PCDHGB3: variants seen among roughly 807,000 people sequenced by gnomAD.
The protein encoded by PCDHGB3 is protocadherin gamma subfamily B, 3.
In PCDHGB3, 40 loss-of-function variants were observed where a neutral mutation model predicts 59.2. That is an observed-to-expected ratio of 0.68 (90% CI 0.52 to 0.88). The LOEUF (loss-of-function observed/expected upper bound fraction) is 0.88. PCDHGB3 is among the 40% of genes least tolerant of loss of function. The pLI, the probability that PCDHGB3 is intolerant of heterozygous loss-of-function variation, is 0.00. For synonymous variants in PCDHGB3, 581 were observed against 503.6 expected, an observed-to-expected ratio of 1.15 and a Z score of -2.06; for missense variants, 1,309 against 1,187.9, an observed-to-expected ratio of 1.10 and a Z score of -1.50.
At position 141,486,094 on chromosome 5, in the gene PCDHGB3, C is replaced by G. The variant is rs749887136; in HGVS notation, c.2416-8713C>G. 2 of 1,614,112 alleles carry G rather than the reference C, an allele frequency of 1.2e-6. No homozygotes were observed. Among genetic ancestry groups the G allele is most frequent in the Admixed American group, 3.3e-5 (2 of 60,018 alleles). ...CTGGAAAGCTTACTCTTTTGGGGCCCCTAGACTTTGAGAGTGAGAATTACT... is the reference window on the plus strand; with the variant it reads ...CTGGAAAGCTTACTCTTTTGGGGCCGCTAGACTTTGAGAGTGAGAATTACT... On this transcript the variant is annotated intron_variant, in intron 1 of 3. Coordinates refer to ENST00000576222, the MANE Select transcript of PCDHGB3 (RefSeq NM_018924.5). The surrounding 1 kb of genome is among the most constrained non-coding windows in gnomAD (Gnocchi z 5.0).
Position 141,387,739 on chromosome 5 carries a change from C to A in PCDHGB3, c.2415+14930C>A, listed in dbSNP as rs182945836. 5.0e-3 allele frequency: 6,618 copies of A among 1,328,550 alleles called. 35 individuals are homozygous for A. Among genetic ancestry groups the A allele is most frequent in the Admixed American group, 0.01 (369 of 36,562 alleles). The allele number at this position is 1,328,550 out of a possible 1,614,324, so 82.3% of individuals were successfully genotyped here. ...AGACTCCCCAGCGCCAGCCTTTACA[C>A]CGCTTCCTCCTCGGAAAAAGAAGAA... On this transcript the variant is annotated intron_variant, in intron 1 of 3. Transcript: ENST00000576222.
intron 1 of PCDHGB3, chr5:141,424,569 C>A (rs1436039976): frequency 6.6e-6 from 1 of 151,996 alleles, no homozygotes; most frequent in African/African-American, 2.4e-5. Flanking sequence ...TCTCAAAAAC[C>A]TATTTTCAAA....
At chr5:141,408,504 G>C (rs752297449) in intron 1 of PCDHGB3, 2 of 1,613,936 alleles carry the variant, frequency 1.2e-6, no homozygotes, top group Non-Finnish European at 1.7e-6. Context: ...GAGAGAAGAA[G>C]ATGTGAGTTG....
chr5:141,399,311 A>G, intron 1 of PCDHGB3: 1 of 1,613,970 alleles, frequency 6.2e-7, no homozygotes, highest in Non-Finnish European at 8.5e-7. Flanking sequence ...TCTTCATCCA[A>G]AAATTCGTAT....
intron 1 of PCDHGB3, among the ~76,000 whole-genome samples, chr5:141,429,545 G>T (rs1200824675): frequency 6.6e-6 from 1 of 151,844 alleles, no homozygotes; most frequent in East Asian, 1.9e-4. Context: ...TAAGAACATG[G>T]TAATGATTTG....
In PCDHGB3 at chr5:141,370,637, T is replaced by A. The variant is rs749641470; in HGVS notation, c.243T>A (p.Asn81Lys). ...AATTCTTTACCGTGAGCCCCGAAAA[T>A]GGGAACTTACTTGTGAGCGACCGTA... The part of the protein sequence containing the change: ...EKKFFTVSPE[N>K]GNLLVSDRID... Residue 81 changes from asparagine to lysine, a missense_variant, in exon 1 of 4, where the codon AAT (asparagine) becomes AAA (lysine). Transcript: ENST00000576222. 1 of 1,613,770 alleles carries A rather than the reference T, an allele frequency of 6.2e-7. No homozygotes were observed. Among genetic ancestry groups the A allele is most frequent in the South Asian group, 1.1e-5 (1 of 91,064 alleles).
chr5:141,446,482 CT>C (rs112180482), intron 1 of PCDHGB3, among the ~76,000 whole-genome samples: 30,290 of 146,632 alleles, frequency 0.21, 3,322 homozygotes, highest in African/African-American at 0.31. Flanking sequence ...GGTCATCATT[CT>C]TTTTTTTTTT....
intron 1 of PCDHGB3, chr5:141,393,226 T>C (rs1291576624): frequency 6.2e-7 from 1 of 1,613,712 alleles, no homozygotes; most frequent in Non-Finnish European, 8.5e-7. Context: ...GTCGAAGATC[T>C]AGAAGTAAAA....
intron 3 of PCDHGB3, among the ~76,000 whole-genome samples, chr5:141,509,422 G>A (rs1181133903): frequency 3.3e-5 from 5 of 152,136 alleles, no homozygotes; most frequent in Non-Finnish European, 5.9e-5. Flanking sequence ...GCCCCAATGA[G>A]TCAAACTCTT....
chr5:141,428,156 C>G, intron 1 of PCDHGB3: 2 of 1,579,884 alleles, frequency 1.3e-6, no homozygotes, highest in Non-Finnish European at 1.7e-6. Flanking sequence ...CGGGAACCTG[C>G]TGGTTGCTGT....
intron 1 of PCDHGB3, among the ~76,000 whole-genome samples, chr5:141,447,162 G>A (rs1213550616): frequency 6.6e-6 from 1 of 151,700 alleles, no homozygotes; most frequent in African/African-American, 2.4e-5. Flanking sequence ...TTGTTTAAGC[G>A]GGGTCTTGCT....
intron 1 of PCDHGB3, chr5:141,379,437 A>G (rs1344530566): frequency 6.6e-6 from 1 of 152,252 alleles, no homozygotes; most frequent in Non-Finnish European, 1.5e-5. Context: ...GGGCTGTTAT[A>G]CATATGATTA....
intron 1 of PCDHGB3, among the ~76,000 whole-genome samples, chr5:141,397,685 G>A (rs1471845356): frequency 6.6e-6 from 1 of 152,218 alleles, no homozygotes; most frequent in Non-Finnish European, 1.5e-5. Flanking sequence ...ATGCAGGTTT[G>A]TATAAAAACC....
At chr5:141,507,450 CAG>C (rs940460926) in intron 3 of PCDHGB3, among the ~76,000 whole-genome samples, 3 of 152,168 alleles carry the variant, frequency 2.0e-5, no homozygotes, top group African/African-American at 7.2e-5. Flanking sequence ...GACGGAAGGA[CAG>C]AGAGAGAGGT....
intron 1 of PCDHGB3, among the ~76,000 whole-genome samples, chr5:141,463,505 G>A (rs1213601894): frequency 7.3e-6 from 1 of 137,472 alleles, no homozygotes; most frequent in Non-Finnish European, 1.5e-5. Flanking sequence ...CTGGAGTGAC[G>A]TGGCGTGATC....
chr5:141,427,046 C>A (rs916723344), intron 1 of PCDHGB3: 6 of 457,244 alleles, frequency 1.3e-5, no homozygotes, highest in African/African-American at 2.0e-5. Flanking sequence ...AGAATGTGCC[C>A]CCAGGCACCT....
At chr5:141,418,305 G>T in intron 1 of PCDHGB3, 1 of 1,614,026 alleles carries the variant, frequency 6.2e-7, no homozygotes, top group South Asian at 1.1e-5. Context: ...GTCAGCCTGG[G>T]GATGGGAACA....
At position 141,477,458 on chromosome 5, in the gene PCDHGB3, T is replaced by C; in HGVS notation, c.2416-17349T>C. 6.2e-7 allele frequency: 1 copy of C among 1,614,126 alleles called. No homozygotes were observed. The highest frequency in any genetic ancestry group is 8.5e-7 in the Non-Finnish European group (1 of 1,180,022). ...CCTTACAATAGTGCGTGTTCAAGTG[T>C]CCGACATCAATGACAACCCTCCACA... On this transcript the variant is annotated intron_variant, in intron 1 of 3. Transcript: ENST00000576222. This position sits in a 1 kb window ranked among gnomAD's most constrained non-coding sequence, Gnocchi z 4.9.
At chr5:141,400,234 G>A (rs749957043) in intron 1 of PCDHGB3, 11 of 1,613,984 alleles carry the variant, frequency 6.8e-6, no homozygotes, top group East Asian at 6.7e-5. Flanking sequence ...CCTCCTGGCC[G>A]TGATTCTGGC....
Sources: gnomAD v4.1 joint callset for allele counts (sites outside exome capture counted in the v4.1 genomes callset) on GRCh38, gnomAD v4.1.1 for gene constraint, Gnocchi (gnomAD v3.1) non-coding constraint, MANE v1.5 for transcripts, NCBI Gene and HGNC (gene_info 2026-07-23, HGNC 2026-07-21) for gene names.